The following GID4 variants were observed in gnomAD, a reference collection of about 807,000 sequenced individuals.
GID4 encodes GID complex subunit 4 homolog, also known as glucose-induced degradation protein 4 homolog.
Under a neutral mutation model 32.4 loss-of-function variants are expected in GID4, and 7 were observed. The observed-to-expected ratio is 0.22, with a 90% CI of 0.12 to 0.41. GID4 has a LOEUF of 0.41. Among genes scored for constraint, GID4 ranks in the 10% least tolerant of loss-of-function variants. The probability of loss-of-function intolerance (pLI) is 1.00; values close to 1 mark genes in which losing one functional copy is unlikely to be tolerated. For missense variants in GID4, 309 were observed against 400.0 expected (o/e 0.77, Z 1.94); for synonymous variants, 166 against 170.0 (o/e 0.98, Z 0.18).
In GID4 at chr17:18,063,177, C is replaced by T. The variant is rs191797274; in HGVS notation, c.839+1202C>T. Among the ~76,000 whole-genome samples, 693 of 150,856 alleles carry T rather than the reference C, an allele frequency of 4.6e-3. 6 individuals carry two copies. Among genetic ancestry groups the T allele is most frequent in the African/African-American group, 0.016 (667 of 41,084 alleles). On this transcript the variant is annotated intron_variant, in intron 5 of 5. Transcript: ENST00000268719. ...CTGTAATCCCAGCACTTTGGGAGGC[C>T]GAGGTGGGCAGATCACGAGGTCAGG...
intron 2 of GID4, among the ~76,000 whole-genome samples, chr17:18,047,000 G>A (rs913598332): frequency 2.6e-5 from 4 of 151,572 alleles, no homozygotes; most frequent in African/African-American, 9.7e-5. Flanking sequence ...AGGAAAGAAT[G>A]TTAGAGAAAA....
chr17:18,065,356 C>A lies in GID4; in HGVS notation c.*113C>A. On this transcript the variant is annotated 3_prime_UTR_variant, in exon 6 of 6. Coordinates refer to ENST00000268719, the MANE Select transcript of GID4 (RefSeq NM_024052.5). ...AAGTGTGTTCCTGTTTCTTCACGAG[C>A]AGACTCGCATCACAAAGCATGAATG... 1 of 787,078 alleles carries A rather than the reference C, an allele frequency of 1.3e-6. No individual in the cohort carries two copies. Among genetic ancestry groups the A allele is most frequent in the Non-Finnish European group, 2.2e-6 (1 of 456,974 alleles). 48.8% of individuals were successfully genotyped at this position (787,078 alleles called of 1,614,324 possible).
At chr17:18,055,005 A>G (rs2044951661) in intron 3 of GID4, among the ~76,000 whole-genome samples, 1 of 152,072 alleles carries the variant, frequency 6.6e-6, no homozygotes, top group Non-Finnish European at 1.5e-5. Flanking sequence ...CCTCGTCTCT[A>G]CCAAAAATAC....
At chr17:18,053,109 G>A (rs2044929515) in intron 2 of GID4, among the ~76,000 whole-genome samples, 1 of 140,980 alleles carries the variant, frequency 7.1e-6, no homozygotes, top group Admixed American at 7.6e-5. Context: ...TCCGCCTCCA[G>A]GTTCAAGCAA....
chr17:18,063,737 C>T (rs2045036893), intron 5 of GID4, among the ~76,000 whole-genome samples: 2 of 152,038 alleles, frequency 1.3e-5, no homozygotes, highest in Non-Finnish European at 2.9e-5. Flanking sequence ...TTTTCCATTA[C>T]AGGTATATAC....
Position 18,066,693 on chromosome 17 carries a change from G to C in GID4, c.*1450G>C, listed in dbSNP as rs552553846. 1.2e-4 allele frequency: 19 copies of C among 152,278 alleles called. No homozygotes were observed. The highest frequency in any genetic ancestry group is 4.6e-4 in the African/African-American group (19 of 41,552). The allele number at this position is 152,278 out of a possible 1,614,324, so 9.4% of individuals were successfully genotyped here. On this transcript the variant is annotated 3_prime_UTR_variant, in exon 6 of 6. Coordinates refer to ENST00000268719, the MANE Select transcript of GID4 (RefSeq NM_024052.5). ...CTGGAGGCTGCATATCCATGGGCGG[G>C]CAGCATAAGAGAATGTGAAGCCCTT...
At chr17:18,041,269 G>A (rs780486842) in intron 1 of GID4, among the ~76,000 whole-genome samples, 1 of 151,958 alleles carries the variant, frequency 6.6e-6, no homozygotes, top group South Asian at 2.1e-4. Context: ...CTCTCCTTTT[G>A]GTCATTTAAA....
rs2045052105 is a variant in GID4 at position 18,065,396 on chromosome 17, C to T, written c.*153C>T. 1.5e-6 allele frequency: 1 copy of T among 674,396 alleles called. No individual in the cohort carries two copies. Among genetic ancestry groups the T allele is most frequent in the Admixed American group, 2.1e-5 (1 of 46,558 alleles). 41.8% of individuals were successfully genotyped at this position (674,396 alleles called of 1,614,324 possible). On this transcript the variant is annotated 3_prime_UTR_variant, in exon 6 of 6. Coordinates refer to ENST00000268719, the MANE Select transcript of GID4 (RefSeq NM_024052.5). ...AAGCATGAATGTTAACCCACAGAAT[C>T]CAAGGAGCATGGCTGGCCCGTGGGG... is the stretch of plus-strand genomic sequence containing the variant.
intron 4 of GID4, among the ~76,000 whole-genome samples, chr17:18,060,016 A>T (rs1433267439): frequency 6.9e-6 from 1 of 144,530 alleles, no homozygotes; most frequent in African/African-American, 2.6e-5. Context: ...AACCTGGGAG[A>T]TGGAAGTTGC....
intron 1 of GID4, among the ~76,000 whole-genome samples, chr17:18,041,898 A>T (rs538241487): frequency 6.6e-6 from 1 of 152,352 alleles, no homozygotes; most frequent in East Asian, 1.9e-4. Flanking sequence ...GGCAGCCCAG[A>T]GCAGAAACCT....
At chr17:18,060,063 C>T (rs181011575) in intron 4 of GID4, among the ~76,000 whole-genome samples, 12 of 120,046 alleles carry the variant, frequency 1.0e-4, no homozygotes, top group Admixed American at 4.3e-4. Context: ...TCCAGCCTGG[C>T]GACAGAGCAA....
intron 5 of GID4, among the ~76,000 whole-genome samples, chr17:18,062,833 T>A (rs2045027554): frequency 6.6e-6 from 1 of 152,006 alleles, no homozygotes; most frequent in African/African-American, 2.4e-5. Flanking sequence ...CCCAGCACTT[T>A]GGGAGGCCGA....
intron 5 of GID4, among the ~76,000 whole-genome samples, chr17:18,062,823 C>G (rs2045027402): frequency 6.6e-6 from 1 of 152,120 alleles, no homozygotes; most frequent in Non-Finnish European, 1.5e-5. Context: ...CGCATGTAAT[C>G]CCAGCACTTT....
chr17:18,051,558 C>A (rs141488489), intron 2 of GID4, among the ~76,000 whole-genome samples: 1,913 of 152,092 alleles, frequency 0.013, 24 homozygotes, highest in South Asian at 0.025. Context: ...TACCTGTAAT[C>A]CCAGCTACTC....
intron 2 of GID4, among the ~76,000 whole-genome samples, chr17:18,048,130 T>C (rs1411056778): frequency 6.6e-6 from 1 of 152,084 alleles, no homozygotes; most frequent in Non-Finnish European, 1.5e-5. Flanking sequence ...CTCGATCTCC[T>C]GACCTCATGA....
chr17:18,039,735 C>A lies in GID4; in HGVS notation c.271C>A (p.Pro91Thr), dbSNP rs2044768086. 1.3e-6 allele frequency: 2 copies of A among 1,527,546 alleles called. No individual in the cohort carries two copies. Among genetic ancestry groups the A allele is most frequent in the Non-Finnish European group, 1.8e-6 (2 of 1,138,942 alleles). The allele number at this position is 1,527,546 out of a possible 1,614,324, so 94.6% of individuals were successfully genotyped here. ...CGCGATGCCGGTCCGCACCGAGTGT[C>A]CCCCGCCGGCCGGTGCCTCCGCTGC... ...DPAMPVRTEC[P>T]PPAGASAASA... The change falls in exon 1 of 6, where the codon CCC (proline) becomes ACC (threonine). Residue 91 changes from proline (P) to threonine (T), a missense_variant. Pro to Thr is a conservative substitution (Grantham distance 38). This residue lies in a region of GID4 where 193 missense variants were observed against 185.8 expected (regional missense o/e 1.04). Coordinates refer to ENST00000268719, the MANE Select transcript of GID4 (RefSeq NM_024052.5). The surrounding 1 kb of genome is among the most constrained non-coding windows in gnomAD (Gnocchi z 5.3).
At chr17:18,063,210 CA>C (rs34519174) in intron 5 of GID4, among the ~76,000 whole-genome samples, 84,540 of 151,594 alleles carry the variant, frequency 0.56, 25,035 homozygotes, top group Non-Finnish European at 0.68. Context: ...AGGAGTTCGA[CA>C]CCAGCCTGGC....
rs2044765901 is a variant in GID4 at position 18,039,664 on chromosome 17, C to CGGA, written c.202_203insAGG (p.Ala67_Ala68insGlu). The CGGA allele has an allele frequency of 3.9e-6, 5 of 1,293,160 alleles. No individual in the cohort carries two copies. The highest frequency in any genetic ancestry group is 4.9e-6 in the Non-Finnish European group (5 of 1,016,782). 80.1% of individuals were successfully genotyped at this position (1,293,160 alleles called of 1,614,324 possible). A position where few individuals can be genotyped will look rare whatever the true frequency, so the allele number is the denominator to read the frequency against. On this transcript the variant is annotated inframe_insertion, in exon 1 of 6. Transcript: ENST00000268719. The surrounding 1 kb of genome is among the most constrained non-coding windows in gnomAD (Gnocchi z 5.3). Reference sequence around the variant, plus strand: ...ACCCTCCTCGGCTCCCGCGCGGCGGCGGCGGTTCCTCTCCCACTCCCCCCA... The same window carrying CGGA: ...ACCCTCCTCGGCTCCCGCGCGGCGGCGGAGGCGGTTCCTCTCCCACTCCCCCCA...
intron 1 of GID4, among the ~76,000 whole-genome samples, chr17:18,044,393 ATCCGGCAGTG>A (rs2044832483): frequency 6.6e-6 from 1 of 152,204 alleles, no homozygotes; most frequent in African/African-American, 2.4e-5. Context: ...TTGGGTAGGC[ATCCGGCAGTG>A]TCTCAGCAAC....
Sources: gnomAD v4.1 joint callset for allele counts (sites outside exome capture counted in the v4.1 genomes callset) on GRCh38, gnomAD v4.1.1 for gene constraint, gnomAD v4.1.1 regional missense constraint, Gnocchi (gnomAD v3.1) non-coding constraint, MANE v1.5 for transcripts, NCBI Gene and HGNC (gene_info 2026-07-23, HGNC 2026-07-21) for gene names.